The following COL3A1 variants were observed in gnomAD, a reference collection of about 807,000 sequenced individuals.
The protein encoded by COL3A1 is collagen alpha-1(III) chain.
A neutral mutation model predicts 200.9 loss-of-function variants in COL3A1; 46 were observed. That is an observed-to-expected ratio of 0.23 (90% CI 0.18 to 0.29). The LOEUF (loss-of-function observed/expected upper bound fraction) is 0.29, where lower values mean the gene tolerates loss of function less well. Among genes scored for constraint, COL3A1 ranks in the 10% least tolerant of loss-of-function variants. The probability of loss-of-function intolerance (pLI) is 1.00; values close to 1 mark genes in which losing one functional copy is unlikely to be tolerated. For synonymous variants in COL3A1, 650 were observed against 628.0 expected, an observed-to-expected ratio of 1.03 and a Z score of -0.52; for missense variants, 1,367 against 1,917.6, an observed-to-expected ratio of 0.71 and a Z score of 5.36.
chr2:188,990,787 C>G (rs1688171960), intron 10 of COL3A1, among the ~76,000 whole-genome samples: 1 of 152,148 alleles, frequency 6.6e-6, no homozygotes, highest in African/African-American at 2.4e-5. Flanking sequence ...AGGCAACTTT[C>G]TTATCAGACT....
At chr2:189,000,418 A>G (rs181433210) in intron 32 of COL3A1, among the ~76,000 whole-genome samples, 172 of 152,340 alleles carry the variant, frequency 1.1e-3, no homozygotes, top group African/African-American at 4.0e-3. Flanking sequence ...TTGCAAAATA[A>G]CTTCCTTGTA....
Position 189,004,056 on chromosome 2 carries a change from T to C in COL3A1, c.2736T>C (p.Gly912=), listed in dbSNP as rs1179979349. The change falls in exon 39 of 51, where the codon GGT becomes GGC. Residue 912 remains glycine (G), a synonymous_variant. Coordinates refer to ENST00000304636, the MANE Select transcript of COL3A1 (RefSeq NM_000090.4). ...CCCCAGGTCCTGCGGGTAACACTGG[T>C]GCTCCTGGCAGCCCTGGAGTGTCTG... is the stretch of plus-strand genomic sequence containing the variant. ...DGPPGPAGNT[G]APGSPGVSGP... 1 of 1,613,264 alleles carries C rather than the reference T, an allele frequency of 6.2e-7. No individual in the cohort carries two copies. Among genetic ancestry groups the C allele is most frequent in the Non-Finnish European group, 8.5e-7 (1 of 1,179,936 alleles).
chr2:188,992,271 A>G, intron 14 of COL3A1, 43 bp downstream of exon 14: 1 of 1,565,758 alleles, frequency 6.4e-7, no homozygotes, highest in Non-Finnish European at 8.8e-7. Flanking sequence ...GGTAATGAGA[A>G]GTTATGGATT....
intron 1 of COL3A1, among the ~76,000 whole-genome samples, chr2:188,976,500 A>G (rs978406865): frequency 2.0e-5 from 3 of 152,150 alleles, no homozygotes; most frequent in Non-Finnish European, 4.4e-5. Context: ...AAGACAGTAC[A>G]TCTTATGTTC....
intron 24 of COL3A1, 101 bp from the exon 25 acceptor site, chr2:188,997,040 GAGACATATATATATGAGACATATA>G: frequency 3.6e-6 from 1 of 276,266 alleles, no homozygotes; most frequent in Non-Finnish European, 7.3e-6. Context: ...ATATATATAT[GAGACATATATATATGAGACATATA>G]TATATGAGAC....
intron 1 of COL3A1, among the ~76,000 whole-genome samples, chr2:188,975,611 T>A (rs1687792320): frequency 6.6e-6 from 1 of 152,186 alleles, no homozygotes; most frequent in Non-Finnish European, 1.5e-5. Flanking sequence ...CAAAGGACAC[T>A]GCATGAAAAT....
chr2:188,997,055 GAGACATAT>G (rs1688342661), intron 24 of COL3A1, 102 bp from the exon 25 acceptor site: 2 of 723,140 alleles, frequency 2.8e-6, no homozygotes, highest in East Asian at 5.4e-5. Flanking sequence ...ATATATATAT[GAGACATAT>G]ATATATGAGA....
In COL3A1 at chr2:189,005,401, C is replaced by A. The variant is rs1421131137; in HGVS notation, c.2983C>A (p.Pro995Thr). 6.2e-7 allele frequency: 1 copy of A among 1,614,052 alleles called. No homozygotes were observed. Among genetic ancestry groups the A allele is most frequent in the South Asian group, 1.1e-5 (1 of 91,082 alleles). Residue 995 changes from proline to threonine, a missense_variant, in exon 41 of 51, where the codon CCT becomes ACT. Pro to Thr is a conservative substitution (Grantham distance 38, BLOSUM62 -1). Coordinates refer to ENST00000304636, the MANE Select transcript of COL3A1 (RefSeq NM_000090.4). Reference protein sequence around the residue: ...ANGLSGERGPPGPQGLPGLAG... With the variant: ...ANGLSGERGPTGPQGLPGLAG... Reference sequence around the variant, plus strand: ...CGGTCTCAGTGGAGAACGTGGTCCCCCTGGACCCCAGGGTCTTCCTGGTCT... The same window carrying A: ...CGGTCTCAGTGGAGAACGTGGTCCCACTGGACCCCAGGGTCTTCCTGGTCT...
chr2:188,992,219 T>C lies in COL3A1; in HGVS notation c.987T>C (p.Asp329=), dbSNP rs1688204361. 6.2e-7 allele frequency: 1 copy of C among 1,613,920 alleles called. No individual in the cohort carries two copies. Among genetic ancestry groups the C allele is most frequent in the Non-Finnish European group, 8.5e-7 (1 of 1,179,920 alleles). The change falls in exon 14 of 51, where the codon GAT becomes GAC. Residue 329 remains aspartate (D), a synonymous_variant. Coordinates refer to ENST00000304636, the MANE Select transcript of COL3A1 (RefSeq NM_000090.4). ...GTAATGACGGTGCTCGAGGCAGTGA[T>C]GGTCAACCAGTAAGTAACTTTCTAT... The part of the protein sequence containing the change: ...ARGNDGARGS[D]GQPGPPGPPG...
intron 32 of COL3A1, among the ~76,000 whole-genome samples, chr2:189,000,888 A>G (rs1333717712): frequency 2.0e-5 from 3 of 152,194 alleles, no homozygotes; most frequent in African/African-American, 7.2e-5. Flanking sequence ...GCCTTAAAGA[A>G]ATTCATAAAT....
Position 188,994,760 on chromosome 2 carries a change from G to A in COL3A1, c.1384G>A (p.Gly462Ser), listed in dbSNP as rs587779633. 3.1e-6 allele frequency: 5 copies of A among 1,613,666 alleles called. No individual in the cohort carries two copies. Among genetic ancestry groups the A allele is most frequent in the Non-Finnish European group, 4.2e-6 (5 of 1,179,962 alleles). ...AGIPGVPGAK[G>S]EDGKDGSPGE... The stretch of plus-strand genomic sequence containing the variant: ...TATTCCAGGTGTTCCAGGAGCTAAA[G>A]GCGAAGATGGCAAGGATGGATCACC... Residue 462 changes from glycine to serine, a missense_variant, in exon 20 of 51, where the codon GGC becomes AGC. Gly to Ser is a moderately conservative substitution (Grantham distance 56, BLOSUM62 0). This residue lies in a region of COL3A1 where 462 missense variants were observed against 681.4 expected (regional missense o/e 0.68). Transcript: ENST00000304636. The surrounding 1 kb of genome is among the most constrained non-coding windows in gnomAD (Gnocchi z 4.5).
rs1287934784 is a variant in COL3A1 at position 188,991,550 on chromosome 2, T to C, written c.897+19T>C. ...ACCCATGGTAATTATGTTTCTTATG[T>C]ATAATTTTCAGTTTTATTATTAACC... On this transcript the variant is annotated intron_variant, in intron 12 of 50. Coordinates refer to ENST00000304636, the MANE Select transcript of COL3A1 (RefSeq NM_000090.4). 6.2e-7 allele frequency: 1 copy of C among 1,611,868 alleles called. No homozygotes were observed. The highest frequency in any genetic ancestry group is 2.2e-5 in the East Asian group (1 of 44,846).
chr2:189,001,240 C>G (rs879377127), intron 32 of COL3A1, among the ~76,000 whole-genome samples, 157 bp from the exon 33 acceptor site: 1 of 152,012 alleles, frequency 6.6e-6, no homozygotes, highest in Non-Finnish European at 1.5e-5. Context: ...GCAGTATTTA[C>G]ACATTGAGAG....
At position 188,998,082 on chromosome 2, in the gene COL3A1, A is replaced by C. The variant is rs11902058; in HGVS notation, c.1924-184A>C. ...AATTGAAAGAACAGAGAGAGATGAA[A>C]ATGGGTTTGTAAAATATGATTATCA... is the stretch of plus-strand genomic sequence containing the variant. On this transcript the variant is annotated intron_variant, in intron 27 of 50. Transcript: ENST00000304636. 0.12 allele frequency among the ~76,000 whole-genome samples: 18,710 copies of C among 152,192 alleles called. 2,819 individuals are homozygous for C. The highest frequency in any genetic ancestry group is 0.36 in the African/African-American group (15,107 of 41,488).
Position 188,998,319 on chromosome 2 carries a change from A to G in COL3A1, c.1977A>G (p.Pro659=). The G allele has an allele frequency of 6.2e-7, 1 of 1,613,418 alleles. No homozygotes were observed. Among genetic ancestry groups the G allele is most frequent in the South Asian group, 1.1e-5 (1 of 90,982 alleles). The part of the protein sequence containing the change: ...PPGENGKPGE[P]GPKGDAGAPG... Reference sequence around the variant, plus strand: ...GAGAAAATGGAAAACCTGGGGAACCAGTAAGTTACGTTTCATTATTCAAAA... The same window carrying G: ...GAGAAAATGGAAAACCTGGGGAACCGGTAAGTTACGTTTCATTATTCAAAA... The change falls in exon 28 of 51, where the codon CCA becomes CCG. Residue 659 remains proline, a splice_region_variant and synonymous_variant. Transcript: ENST00000304636.
intron 21 of COL3A1, among the ~76,000 whole-genome samples, 177 bp downstream of exon 21, chr2:188,995,276 C>T (rs1379284991): frequency 6.6e-6 from 1 of 152,130 alleles, no homozygotes; most frequent in African/African-American, 2.4e-5. Flanking sequence ...TAACTAAAGC[C>T]ACTTACTTAC....
At chr2:188,999,176 T>G (rs1244715138) in intron 29 of COL3A1, 109 bp from the exon 30 acceptor site, 15 of 1,037,138 alleles carry the variant, frequency 1.4e-5, no homozygotes, top group Non-Finnish European at 2.0e-5. Context: ...ATTTCTAGAT[T>G]GTTCACAATA....
chr2:189,005,711 A>G lies in COL3A1; in HGVS notation c.3039+254A>G, dbSNP rs185795112. 5.2e-3 allele frequency: 2,467 copies of G among 476,712 alleles called. 10 individuals carry two copies. The highest frequency in any genetic ancestry group is 7.7e-3 in the Non-Finnish European group (2,019 of 261,754). 29.5% of individuals were successfully genotyped at this position (476,712 alleles called of 1,614,324 possible). The stretch of plus-strand genomic sequence containing the variant: ...TAAATTAGGAAAAAAGTTAGTGGGG[A>G]GAACCACAATTGACATGTTTTCTGA... On this transcript the variant is annotated intron_variant, in intron 41 of 50. Transcript: ENST00000304636.
chr2:189,000,627 G>GT (rs1688435714), intron 32 of COL3A1, among the ~76,000 whole-genome samples: 1 of 152,114 alleles, frequency 6.6e-6, no homozygotes, highest in Admixed American at 6.6e-5. Context: ...ATGAGTGTGT[G>GT]TATCACTGGT....
Sources: allele counts gnomAD v4.1 joint callset (sites outside exome capture counted in the v4.1 genomes callset), GRCh38; gene constraint gnomAD v4.1.1; regional missense constraint gnomAD v4.1.1; non-coding constraint Gnocchi (gnomAD v3.1); transcripts MANE v1.5; gene names NCBI Gene and HGNC (gene_info 2026-07-23, HGNC 2026-07-21).